The following PKD1L1 variants were observed in gnomAD, a reference collection of about 807,000 sequenced individuals.
PKD1L1 encodes polycystin 1 like 1, transient receptor potential channel interacting.
Under a neutral mutation model 323.4 loss-of-function variants are expected in PKD1L1, and 236 were observed. That is an observed-to-expected ratio of 0.73 (90% CI 0.66 to 0.81). The LOEUF is 0.81. Ranked by LOEUF, PKD1L1 falls within the 40% of genes least tolerant of loss-of-function variation. The pLI, the probability that PKD1L1 is intolerant of heterozygous loss-of-function variation, is 0.00. For missense variants in PKD1L1, 3,320 were observed against 3,508.0 expected (o/e 0.95, Z 1.35); for synonymous variants, 1,344 against 1,335.0 (o/e 1.01, Z -0.15).
the PKD1L1 span, among the ~76,000 whole-genome samples, chr7:47,955,406 C>T: frequency 2.0e-5 from 3 of 152,168 alleles, no homozygotes; most frequent in South Asian, 4.1e-4. Flanking sequence ...GATAGTAATA[C>T]AATTTCTAGA....
upstream of PKD1L1, among the ~76,000 whole-genome samples, chr7:47,950,159 G>A (rs2128760918): frequency 6.6e-6 from 1 of 152,298 alleles, no homozygotes; most frequent in South Asian, 2.1e-4. Flanking sequence ...GATTTGCTCT[G>A]ACACCTTCCT....
intron 56 of PKD1L1, among the ~76,000 whole-genome samples, chr7:47,780,156 T>C (rs1031411953): frequency 6.6e-6 from 1 of 152,128 alleles, no homozygotes; most frequent in Non-Finnish European, 1.5e-5. Context: ...TACAAAACAA[T>C]ATCCCAGCCA....
At chr7:47,806,973 TTCTGTCGGGACACACACAGACGGGAC>T (rs1210094710) in intron 52 of PKD1L1, among the ~76,000 whole-genome samples, 14 of 151,870 alleles carry the variant, frequency 9.2e-5, no homozygotes, top group African/African-American at 1.2e-4. Flanking sequence ...ACAGACAGGA[TTCTGTCGGGACACACACAGACGGGAC>T]TCTGTCGGGA....
In PKD1L1 at chr7:47,829,519, C is replaced by T; in HGVS notation, c.6641G>A (p.Arg2214Lys). The T allele has an allele frequency of 6.2e-7, 1 of 1,614,150 alleles. No homozygotes were observed. The highest frequency in any genetic ancestry group is 8.5e-7 in the Non-Finnish European group (1 of 1,180,036). Reference sequence around the variant, plus strand: ...TTCTGCCAATTCAGAGTCCAGATCCCTGGTAGCCTCACATAAAGACTCAGT... The same window carrying T: ...TTCTGCCAATTCAGAGTCCAGATCCTTGGTAGCCTCACATAAAGACTCAGT... ...FFTESLCEAT[R>K]DLDSELAERS... is the part of the protein sequence containing the mutation. Residue 2214 changes from arginine (R) to lysine (K), a missense_variant, in exon 44 of 57, where the codon AGG (arginine) becomes AAG (lysine). By Grantham distance (26) the Arg-to-Lys change is conservative. Coordinates refer to ENST00000289672, the MANE Select transcript of PKD1L1 (RefSeq NM_138295.5).
At position 47,890,597 on chromosome 7, in the gene PKD1L1, G is replaced by T. The variant is rs139858574; in HGVS notation, c.2620C>A (p.Arg874=). 6.2e-7 allele frequency: 1 copy of T among 1,614,144 alleles called. No individual in the cohort carries two copies. The highest frequency in any genetic ancestry group is 2.2e-5 in the East Asian group (1 of 44,878). The change falls in exon 16 of 57, where the codon CGG becomes AGG. Residue 874 remains arginine (R), a synonymous_variant. Coordinates refer to ENST00000289672, the MANE Select transcript of PKD1L1 (RefSeq NM_138295.5). ...LVMLRVSSGG[R]NSSETRVFLS... is the part of the protein sequence containing the mutation. The stretch of plus-strand genomic sequence containing the variant: ...AACACCCGGGTCTCAGAAGAGTTCC[G>T]GCCACCACTGGAGACCCTCAGCATC...
chr7:47,896,140 C>T lies in PKD1L1; in HGVS notation c.2271+1848G>A, dbSNP rs139807314. ...TTGCTTGAGCCCAGGAGTTCGAGAG[C>T]AGCCTGTGCAACAGGGTGAAACCCT... On this transcript the variant is annotated intron_variant, in intron 14 of 56. Coordinates refer to ENST00000289672, the MANE Select transcript of PKD1L1 (RefSeq NM_138295.5). Among the ~76,000 whole-genome samples the T allele has an allele frequency of 3.7e-3, 560 of 152,062 alleles. 5 individuals carry two copies. Among genetic ancestry groups the T allele is most frequent in the African/African-American group, 0.013 (529 of 41,490 alleles).
At chr7:47,899,506 G>A (rs1370002498) in intron 13 of PKD1L1, among the ~76,000 whole-genome samples, 4 of 152,062 alleles carry the variant, frequency 2.6e-5, no homozygotes, top group African/African-American at 4.8e-5. Context: ...CCCTACTTTG[G>A]GCTGGAGCCA....
At chr7:47,848,312 G>A (rs1785707725) in intron 31 of PKD1L1, among the ~76,000 whole-genome samples, 2 of 151,906 alleles carry the variant, frequency 1.3e-5, no homozygotes, top group Admixed American at 6.6e-5. Context: ...AATAAACTAC[G>A]GTCCATCTAT....
chr7:47,785,054 C>G (rs942881908), intron 56 of PKD1L1, among the ~76,000 whole-genome samples: 1 of 152,112 alleles, frequency 6.6e-6, no homozygotes, highest in Non-Finnish European at 1.5e-5. Flanking sequence ...AGGGCAGAAC[C>G]AGGATGTGAG....
chr7:47,887,169 G>A (rs1361568322), intron 17 of PKD1L1, among the ~76,000 whole-genome samples: 1 of 152,224 alleles, frequency 6.6e-6, no homozygotes, highest in Non-Finnish European at 1.5e-5. Flanking sequence ...CACCCTCTAT[G>A]TCTTCATGTA....
chr7:47,827,331 G>C lies in PKD1L1; in HGVS notation c.6854+19C>G, dbSNP rs373271348. 1 of 1,586,308 alleles carries C rather than the reference G, an allele frequency of 6.3e-7. No individual in the cohort carries two copies. Among genetic ancestry groups the C allele is most frequent in the African/African-American group, 1.3e-5 (1 of 74,378 alleles). Reference sequence around the variant, plus strand: ...GAGCTGGAGTGGAGCAAGCCCTCCCGACAGAAGCCGCCACCCACCTCAGGG... The same window carrying C: ...GAGCTGGAGTGGAGCAAGCCCTCCCCACAGAAGCCGCCACCCACCTCAGGG... On this transcript the variant is annotated intron_variant, in intron 45 of 56. Transcript: ENST00000289672.
intron 7 of PKD1L1, among the ~76,000 whole-genome samples, chr7:47,916,900 A>G (rs1787440252): frequency 6.6e-6 from 1 of 152,198 alleles, no homozygotes; most frequent in Non-Finnish European, 1.5e-5. Flanking sequence ...CAACTCTGGT[A>G]ATATGACAAA....
chr7:47,798,500 G>A (rs1204896810), intron 54 of PKD1L1, among the ~76,000 whole-genome samples: 2 of 152,334 alleles, frequency 1.3e-5, no homozygotes, highest in Admixed American at 6.5e-5. Flanking sequence ...GCTCACGTCT[G>A]TAATCCCAGC....
At position 47,941,764 on chromosome 7, in the gene PKD1L1, A is replaced by G. The variant is rs568151119; in HGVS notation, c.161-1447T>C. Among the ~76,000 whole-genome samples, 269 of 152,310 alleles carry G rather than the reference A, an allele frequency of 1.8e-3. 1 individual carries two copies. The highest frequency in any genetic ancestry group is 6.2e-3 in the African/African-American group (259 of 41,556). On this transcript the variant is annotated intron_variant, in intron 2 of 56. Transcript: ENST00000289672. The stretch of plus-strand genomic sequence containing the variant: ...GTCAAGTGACTCATATTTCTCTGAA[A>G]CCAATTAGTCATCAAAGTCACTGTG...
chr7:47,861,237 A>G (rs1786016383), intron 26 of PKD1L1, among the ~76,000 whole-genome samples: 1 of 152,262 alleles, frequency 6.6e-6, no homozygotes, highest in Non-Finnish European at 1.5e-5. Context: ...GTATCTTAAG[A>G]GGCTGAGTAG....
upstream of PKD1L1, among the ~76,000 whole-genome samples, chr7:47,950,537 G>A (rs146527363): frequency 2.5e-4 from 38 of 152,070 alleles, no homozygotes; most frequent in East Asian, 3.5e-3. Context: ...GAGAAACCCC[G>A]TCTCTACTAA....
chr7:47,869,371 A>G (rs1004446571), intron 24 of PKD1L1, among the ~76,000 whole-genome samples: 4 of 152,216 alleles, frequency 2.6e-5, no homozygotes, highest in African/African-American at 9.6e-5. Context: ...TCTACTGGAG[A>G]CTACTTTAGG....
At chr7:47,803,856 G>T (rs970202955) in intron 52 of PKD1L1, among the ~76,000 whole-genome samples, 32 of 152,132 alleles carry the variant, frequency 2.1e-4, no homozygotes, top group Admixed American at 6.5e-5. Context: ...TAGAGTCTAC[G>T]GCTCAGATAA....
rs1355927264 is a variant in PKD1L1, at chr7:47,931,184, G to C, written c.657C>G (p.Thr219=). ...LPGTVTMETP[T]KVARPTQTSS... is the part of the protein sequence containing the mutation. ...TGGTCTGAGTGGGTCTGGCCACCTT[G>C]GTGGGGGTCTCCATCGTGACAGTCC... is the stretch of plus-strand genomic sequence containing the variant. Residue 219 remains threonine (T), a synonymous_variant, in exon 6 of 57, where the codon ACC becomes ACG. Coordinates refer to ENST00000289672, the MANE Select transcript of PKD1L1 (RefSeq NM_138295.5). The C allele has an allele frequency of 6.2e-7, 1 of 1,614,088 alleles. No homozygotes were observed. The highest frequency in any genetic ancestry group is 8.5e-7 in the Non-Finnish European group (1 of 1,180,048).
Sources: gnomAD v4.1 joint callset for allele counts (sites outside exome capture counted in the v4.1 genomes callset) on GRCh38, gnomAD v4.1.1 for gene constraint, MANE v1.5 for transcripts, NCBI Gene and HGNC (gene_info 2026-07-23, HGNC 2026-07-21) for gene names.